SMG1: variants seen among roughly 807,000 people sequenced by gnomAD.
The protein encoded by SMG1 is SMG1 nonsense mediated mRNA decay associated PI3K related kinase.
A neutral mutation model predicts 419.9 loss-of-function variants in SMG1; 22 were observed. That is an observed-to-expected ratio of 0.05 (90% CI 0.04 to 0.07). SMG1 has a LOEUF of 0.07. Among genes scored for constraint, SMG1 ranks in the 10% least tolerant of loss-of-function variants. The pLI is 1.00. For missense variants in SMG1, 3,185 were observed against 4,342.0 expected (o/e 0.73, Z 7.49); for synonymous variants, 1,538 against 1,553.5 (o/e 0.99, Z 0.23).
At chr16:18,915,748 A>G (rs1461235930) in intron 1 of SMG1, among the ~76,000 whole-genome samples, 1 of 152,202 alleles carries the variant, frequency 6.6e-6, no homozygotes, top group East Asian at 2.0e-4. Flanking sequence ...ACACAGGTGT[A>G]TAGATTTGTC....
At chr16:18,906,634 G>A (rs1291886353) in intron 1 of SMG1, among the ~76,000 whole-genome samples, 13 of 152,168 alleles carry the variant, frequency 8.5e-5, no homozygotes, top group African/African-American at 2.2e-4. Flanking sequence ...CACTTTCAAT[G>A]TATCCCATTT....
At chr16:18,814,876 C>A (rs927285676) in intron 60 of SMG1, among the ~76,000 whole-genome samples, 10 of 117,846 alleles carry the variant, frequency 8.5e-5, no homozygotes, top group East Asian at 4.3e-4. Flanking sequence ...CCTCGCCCGG[C>A]CTTTTTTTTT....
chr16:18,855,566 C>T (rs1567374743), intron 29 of SMG1, among the ~76,000 whole-genome samples: 1 of 152,134 alleles, frequency 6.6e-6, no homozygotes, highest in African/African-American at 2.4e-5. Context: ...TTTCCACCAC[C>T]CTCCAAATCT....
chr16:18,820,354 C>T (rs983817806), intron 55 of SMG1, among the ~76,000 whole-genome samples: 7 of 152,032 alleles, frequency 4.6e-5, no homozygotes, highest in Admixed American at 2.0e-4. Context: ...AGGTGCGTGC[C>T]ACCATGCCCA....
At position 18,868,504 on chromosome 16, in the gene SMG1, C is replaced by T. The variant is rs1038207570; in HGVS notation, c.3030+19G>A. 31 of 1,467,804 alleles carry T rather than the reference C, an allele frequency of 2.1e-5. No homozygotes were observed. Among genetic ancestry groups the T allele is most frequent in the Non-Finnish European group, 2.7e-5 (29 of 1,062,800 alleles). 90.9% of individuals were successfully genotyped at this position (1,467,804 alleles called of 1,614,324 possible). On this transcript the variant is annotated intron_variant, in intron 21 of 62. Coordinates refer to ENST00000446231, the MANE Select transcript of SMG1 (RefSeq NM_015092.5). ...ACCATTAAACTGCTATAAAACAACACTATCTCATGGAAACCAACCTTGGGA... is the reference window on the plus strand; with the variant it reads ...ACCATTAAACTGCTATAAAACAACATTATCTCATGGAAACCAACCTTGGGA...
chr16:18,848,954 C>T (rs867609445), intron 36 of SMG1, among the ~76,000 whole-genome samples: 1 of 151,464 alleles, frequency 6.6e-6, no homozygotes, highest in Non-Finnish European at 1.5e-5. Context: ...ACATGTAATC[C>T]CAGCTACTCG....
At chr16:18,904,508 C>T (rs531281872) in intron 1 of SMG1, among the ~76,000 whole-genome samples, 2 of 151,712 alleles carry the variant, frequency 1.3e-5, no homozygotes, top group African/African-American at 2.4e-5. Context: ...TGTGGTGGCA[C>T]GCACCTGTAG....
intron 1 of SMG1, among the ~76,000 whole-genome samples, chr16:18,918,449 G>T (rs2038061667): frequency 6.6e-6 from 1 of 152,060 alleles, no homozygotes; most frequent in Admixed American, 6.6e-5. Context: ...CTATTTTGGG[G>T]GGGATTCTCC....
intron 23 of SMG1, among the ~76,000 whole-genome samples, chr16:18,864,382 G>C (rs1478903787): frequency 6.6e-6 from 1 of 151,756 alleles, no homozygotes; most frequent in Non-Finnish European, 1.5e-5. Flanking sequence ...ATTTTTAGTA[G>C]AGACGGGGTT....
chr16:18,890,593 T>G (rs569827682), intron 5 of SMG1, among the ~76,000 whole-genome samples: 2 of 152,334 alleles, frequency 1.3e-5, no homozygotes, highest in Admixed American at 1.3e-4. Context: ...GAGGTTGCAG[T>G]GAGCTGAGAT....
intron 55 of SMG1, among the ~76,000 whole-genome samples, chr16:18,821,252 CTTTTTTTTTTT>C (rs1201180176): frequency 4.1e-4 from 11 of 26,684 alleles, no homozygotes; most frequent in African/African-American, 1.4e-3. Context: ...TTTTTTTTTT[CTTTTTTTTTTT>C]TTTATTATAC....
chr16:18,926,152 CGAGAAG>C lies in SMG1; in HGVS notation c.-117_-112del, dbSNP rs1307225277. On this transcript the variant is annotated 5_prime_UTR_variant, in exon 1 of 63. Coordinates refer to ENST00000446231, the MANE Select transcript of SMG1 (RefSeq NM_015092.5). Reference sequence around the variant, plus strand: ...TCCGGCCCGGGGCTGAGGAGGAAGCCGAGAAGGAGGAGGAGGAGGAGGAGGAGGAGA... The same window carrying C: ...TCCGGCCCGGGGCTGAGGAGGAAGCCGAGGAGGAGGAGGAGGAGGAGGAGA... The C allele has an allele frequency of 5.3e-5, 50 of 950,840 alleles. No homozygotes were observed. The highest frequency in any genetic ancestry group is 1.0e-5 in the Non-Finnish European group (7 of 674,466). The allele number at this position is 950,840 out of a possible 1,614,324, so 58.9% of individuals were successfully genotyped here. A position where few individuals can be genotyped will look rare whatever the true frequency, so the allele number is the denominator to read the frequency against.
At chr16:18,902,107 C>T (rs1461881302) in intron 1 of SMG1, among the ~76,000 whole-genome samples, 1 of 152,108 alleles carries the variant, frequency 6.6e-6, no homozygotes, top group African/African-American at 2.4e-5. Context: ...GCCACATGGG[C>T]ATGCAACCAT....
At position 18,829,206 on chromosome 16, in the gene SMG1, T is replaced by C. The variant is rs545517292; in HGVS notation, c.9603+80A>G. 11 of 1,232,106 alleles carry C rather than the reference T, an allele frequency of 8.9e-6. No homozygotes were observed. In the African/African-American group the frequency reaches 1.5e-4, roughly 17 times the overall value. 76.3% of individuals were successfully genotyped at this position (1,232,106 alleles called of 1,614,324 possible). On this transcript the variant is annotated intron_variant, in intron 54 of 62. Coordinates refer to ENST00000446231, the MANE Select transcript of SMG1 (RefSeq NM_015092.5). ...TCAGGAAGTTTTAAAAAAATTTCTG[T>C]GTATTGTTTTAAATTAATTTCCCCC... is the stretch of plus-strand genomic sequence containing the variant.
At position 18,830,384 on chromosome 16, in the gene SMG1, A is replaced by T; in HGVS notation, c.8793-15T>A. The T allele has an allele frequency of 6.2e-7, 1 of 1,613,652 alleles. No homozygotes were observed. Among genetic ancestry groups the T allele is most frequent in the African/African-American group, 1.3e-5 (1 of 75,046 alleles). On this transcript the variant is annotated splice_polypyrimidine_tract_variant and intron_variant, in intron 51 of 62. Coordinates refer to ENST00000446231, the MANE Select transcript of SMG1 (RefSeq NM_015092.5). ...CATGTAGTAGTCTACAGAAAAACAA[A>T]AGGAGTTAAAACCTTCGCTGAAAAG...
intron 3 of SMG1, among the ~76,000 whole-genome samples, chr16:18,895,089 T>C (rs2037061803): frequency 2.0e-5 from 3 of 152,106 alleles, no homozygotes; most frequent in Admixed American, 2.0e-4. Flanking sequence ...AGTGCTGGGA[T>C]TACAGGCAGG....
rs2038395528 is a variant in SMG1, at chr16:18,926,111, G to T, written c.-70C>A. On this transcript the variant is annotated 5_prime_UTR_variant, in exon 1 of 63. Coordinates refer to ENST00000446231, the MANE Select transcript of SMG1 (RefSeq NM_015092.5). Reference sequence around the variant, plus strand: ...GCGCGAGTCGCCGCCCGAACCGGCCGCCGCCGACACCCCGCTCCGGCCCGG... The same window carrying T: ...GCGCGAGTCGCCGCCCGAACCGGCCTCCGCCGACACCCCGCTCCGGCCCGG... The T allele has an allele frequency of 4.3e-6, 6 of 1,383,526 alleles. No individual in the cohort carries two copies. The South Asian group carries it at 8.1e-5, about 19-fold the overall frequency. 85.7% of individuals were successfully genotyped at this position (1,383,526 alleles called of 1,614,324 possible). A position where few individuals can be genotyped will look rare whatever the true frequency, so the allele number is the denominator to read the frequency against.
chr16:18,889,729 CCA>C (rs2036794458), intron 5 of SMG1, 144 bp from the exon 6 acceptor site: 1 of 646,252 alleles, frequency 1.5e-6, no homozygotes, highest in Admixed American at 2.3e-5. Context: ...GAAATTTTCT[CCA>C]CTCTAAATAC....
chr16:18,892,636 G>C (rs35503851), intron 3 of SMG1, among the ~76,000 whole-genome samples: 14,446 of 152,056 alleles, frequency 0.095, 741 homozygotes, highest in Middle Eastern at 0.18. Flanking sequence ...GGGAGGCTGA[G>C]GCAGGAGAAT....
Sources: gnomAD v4.1 joint callset for allele counts (sites outside exome capture counted in the v4.1 genomes callset) on GRCh38, gnomAD v4.1.1 for gene constraint, MANE v1.5 for transcripts, NCBI Gene and HGNC (gene_info 2026-07-23, HGNC 2026-07-21) for gene names.